METTL22: variants seen among roughly 807,000 people sequenced by gnomAD.
METTL22 encodes the protein methyltransferase 22, Kin17 lysine, also known as methyltransferase-like protein 22.
Under a neutral mutation model 48.4 loss-of-function variants are expected in METTL22, and 51 were observed. That is an observed-to-expected ratio of 1.05 (90% CI 0.84 to 1.33). The LOEUF is 1.33. Among genes scored for constraint, METTL22 ranks in the 40% most tolerant of loss-of-function variants. The pLI is 0.00. For missense variants in METTL22, 678 were observed against 526.9 expected (o/e 1.29, Z -2.81); for synonymous variants, 255 against 214.1 (o/e 1.19, Z -1.67).
the METTL22 span, among the ~76,000 whole-genome samples, chr16:8,656,369 C>T: frequency 2.0e-5 from 3 of 152,112 alleles, no homozygotes; most frequent in African/African-American, 4.8e-5. Context: ...TTATTTGTAC[C>T]CTGAGGGCCT....
intron 5 of METTL22, among the ~76,000 whole-genome samples, chr16:8,636,731 G>T (rs1438984479): frequency 6.6e-6 from 1 of 152,018 alleles, no homozygotes; most frequent in Non-Finnish European, 1.5e-5. Flanking sequence ...AGGTTCCTAG[G>T]AGTGGGCGGT....
rs745360559 is a variant in METTL22 at position 8,639,091 on chromosome 16, A to G, written c.701A>G (p.Asp234Gly). 11 of 1,614,046 alleles carry G rather than the reference A, an allele frequency of 6.8e-6. No individual in the cohort carries two copies. Among genetic ancestry groups the G allele is most frequent in the African/African-American group, 5.3e-5 (4 of 75,058 alleles). Residue 234 changes from aspartate to glycine, a missense_variant and splice_region_variant, in exon 6 of 11, where the codon GAT becomes GGT. Asp to Gly is a moderately conservative substitution (Grantham distance 94). Transcript: ENST00000381920. ...TATGGCTTGCCCTCTGTCATTCCAG[A>G]TGTCGGTGCAGATCTCTTGTCCATG... ...ATMARTVYCT[D>G]VGADLLSMCQ...
At chr16:8,665,113 G>T in the METTL22 span, among the ~76,000 whole-genome samples, 1 of 148,828 alleles carries the variant, frequency 6.7e-6, no homozygotes, top group Non-Finnish European at 1.5e-5. Flanking sequence ...TGGGCAACAT[G>T]GTGAAACCCC....
At chr16:8,657,007 C>T in the METTL22 span, among the ~76,000 whole-genome samples, 19 of 152,302 alleles carry the variant, frequency 1.2e-4, no homozygotes, top group South Asian at 2.1e-4. Context: ...CAGGATTAAT[C>T]CACAGAGTCC....
At chr16:8,654,360 A>T (rs1042764863), downstream of METTL22, among the ~76,000 whole-genome samples, 1 of 152,218 alleles carries the variant, frequency 6.6e-6, no homozygotes, top group African/African-American at 2.4e-5. Context: ...GTATGTGTTT[A>T]TAGGTGGAAA....
In METTL22 at chr16:8,646,294, G is replaced by A. The variant is rs1641071; in HGVS notation, c.*151G>A. On this transcript the variant is annotated 3_prime_UTR_variant, in exon 11 of 11. Coordinates refer to ENST00000381920, the MANE Select transcript of METTL22 (RefSeq NM_024109.4). ...AGATGACCCAAGATGGTTTTCTGGG[G>A]TCTGTCCCTGCCTCCCAGTTGTAGC... 99,443 of 965,816 alleles carry A rather than the reference G, an allele frequency of 0.1. 5,890 individuals carry two copies. Among genetic ancestry groups the A allele is most frequent in the Middle Eastern group, 0.16 (768 of 4,878 alleles). The allele number at this position is 965,816 out of a possible 1,614,324, so 59.8% of individuals were successfully genotyped here. A position where few individuals can be genotyped will look rare whatever the true frequency, so the allele number is the denominator to read the frequency against.
intron 2 of METTL22, among the ~76,000 whole-genome samples, chr16:8,626,340 A>G (rs1466871900): frequency 6.6e-6 from 1 of 152,080 alleles, no homozygotes; most frequent in Non-Finnish European, 1.5e-5. Flanking sequence ...CGCCTGACCC[A>G]GGACTTGATG....
In METTL22 at chr16:8,649,215, T is replaced by G. The variant is rs951185669; in HGVS notation, c.*3072T>G. 3.9e-5 allele frequency: 6 copies of G among 152,138 alleles called. No individual in the cohort carries two copies. Among genetic ancestry groups the G allele is most frequent in the African/African-American group, 1.4e-4 (6 of 41,430 alleles). 9.4% of individuals were successfully genotyped at this position (152,138 alleles called of 1,614,324 possible). A position where few individuals can be genotyped will look rare whatever the true frequency, so the allele number is the denominator to read the frequency against. On this transcript the variant is annotated 3_prime_UTR_variant, in exon 11 of 11. Coordinates refer to ENST00000381920, the MANE Select transcript of METTL22 (RefSeq NM_024109.4). ...ACTGGGCCTGAAAGCTTCCTCTAAG[T>G]AGAGCCTGGAATTAATCTTGATCCA...
chr16:8,661,066 G>C, the METTL22 span, among the ~76,000 whole-genome samples: 12 of 152,240 alleles, frequency 7.9e-5, no homozygotes, highest in Non-Finnish European at 1.6e-4. Flanking sequence ...CAGGTTCCGC[G>C]GCTTGAGGGA....
intron 10 of METTL22, chr16:8,645,023 GTTGT>G (rs2056743761): frequency 8.7e-6 from 2 of 230,796 alleles, no homozygotes; most frequent in East Asian, 8.5e-5. Flanking sequence ...CGAGGCAGAG[GTTGT>G]TTGGGGAACA....
chr16:8,641,475 G>A, intron 7 of METTL22: 1 of 559,212 alleles, frequency 1.8e-6, no homozygotes, highest in South Asian at 1.5e-5. Flanking sequence ...GGGCACAGCT[G>A]GTACACAGCA....
At chr16:8,663,733 G>T in the METTL22 span, among the ~76,000 whole-genome samples, 1 of 152,184 alleles carries the variant, frequency 6.6e-6, no homozygotes, top group Non-Finnish European at 1.5e-5. Context: ...AGAAATTAAA[G>T]CTTGCCCAAG....
Position 8,642,462 on chromosome 16 carries a change from G to T in METTL22, c.908-1G>T. On this transcript the variant is annotated splice_acceptor_variant, in intron 8 of 10. Transcript: ENST00000381920. LOFTEE classifies it high-confidence loss of function. ...AATGCTGGCCTTTTTGCTTCCCACA[G>T]TGTTTTACGACGACGACTTGACTGA... The T allele has an allele frequency of 1.9e-6, 3 of 1,614,076 alleles. No individual in the cohort carries two copies. The highest frequency in any genetic ancestry group is 2.5e-6 in the Non-Finnish European group (3 of 1,179,970).
At chr16:8,660,450 A>AT in the METTL22 span, among the ~76,000 whole-genome samples, 3 of 152,036 alleles carry the variant, frequency 2.0e-5, no homozygotes, top group Non-Finnish European at 4.4e-5. Flanking sequence ...AAGTGCTGGG[A>AT]TTACAGGTGT....
At chr16:8,639,282 G>GT (rs1399853610) in intron 6 of METTL22, 120 bp downstream of exon 6, 3 of 973,276 alleles carry the variant, frequency 3.1e-6, no homozygotes, top group Non-Finnish European at 4.9e-6. Flanking sequence ...CAGCAGGTGA[G>GT]TAAGGGGAGC....
At chr16:8,642,010 A>T in intron 7 of METTL22, 117 bp from the exon 8 acceptor site, 1 of 779,334 alleles carries the variant, frequency 1.3e-6, no homozygotes, top group Non-Finnish European at 2.3e-6. Context: ...TGCCCACTGC[A>T]CCGAGCTACC....
In METTL22 at chr16:8,648,074, G is replaced by A. The variant is rs1730987; in HGVS notation, c.*1931G>A. 150,469 of 152,370 alleles carry A rather than the reference G, an allele frequency of 0.99. 74,331 individuals carry two copies. The highest frequency in any genetic ancestry group is 1 in the Middle Eastern group (294 of 294). 9.4% of individuals were successfully genotyped at this position (152,370 alleles called of 1,614,324 possible). On this transcript the variant is annotated 3_prime_UTR_variant, in exon 11 of 11. Coordinates refer to ENST00000381920, the MANE Select transcript of METTL22 (RefSeq NM_024109.4). ...CATGTTGGCTCACTCCTGCAATCCC[G>A]ATACTTTGGGAGGCCAAGGCAGGAG...
chr16:8,658,743 G>C, the METTL22 span, among the ~76,000 whole-genome samples: 5 of 152,286 alleles, frequency 3.3e-5, no homozygotes, highest in Non-Finnish European at 7.4e-5. Context: ...GTCCAGATTT[G>C]ACCAGAGTGC....
chr16:8,642,227 G>A lies in METTL22; in HGVS notation c.907+20G>A, dbSNP rs748222474. ...CCGAAGGTAAGAAAATTTCTCCTTC[G>A]CCGTACACGTCCTTTGTTGTAGCAT... On this transcript the variant is annotated intron_variant, in intron 8 of 10. Transcript: ENST00000381920. 1.4e-5 allele frequency: 23 copies of A among 1,589,444 alleles called. No individual in the cohort carries two copies. Among genetic ancestry groups the A allele is most frequent in the East Asian group, 6.7e-5 (3 of 44,758 alleles).
Sources: allele counts gnomAD v4.1 joint callset (sites outside exome capture counted in the v4.1 genomes callset), GRCh38; gene constraint gnomAD v4.1.1; transcripts MANE v1.5; gene names NCBI Gene and HGNC (gene_info 2026-07-23, HGNC 2026-07-21).